SPECC1: variants seen among roughly 807,000 people sequenced by gnomAD.
SPECC1 encodes the protein cytospin-B.
Under a neutral mutation model 104.1 loss-of-function variants are expected in SPECC1, and 62 were observed. The ratio of observed to expected loss-of-function variants is 0.60; its 90% CI spans 0.49 to 0.74. The LOEUF (loss-of-function observed/expected upper bound fraction) is 0.74, where lower values mean the gene tolerates loss of function less well. SPECC1 is among the 30% of genes least tolerant of loss of function. The pLI, the probability that SPECC1 is intolerant of heterozygous loss-of-function variation, is 0.00. For synonymous variants in SPECC1, 513 were observed against 501.6 expected, an observed-to-expected ratio of 1.02 and a Z score of -0.30; for missense variants, 1,306 against 1,310.5, an observed-to-expected ratio of 1.00 and a Z score of 0.05.
chr17:20,315,409 G>C lies in SPECC1; in HGVS notation c.*1344G>C. The C allele has an allele frequency of 4.3e-6, 1 of 232,874 alleles. No individual in the cohort carries two copies. 14.4% of individuals were successfully genotyped at this position (232,874 alleles called of 1,614,324 possible). A position where few individuals can be genotyped will look rare whatever the true frequency, so the allele number is the denominator to read the frequency against. On this transcript the variant is annotated 3_prime_UTR_variant, in exon 15 of 15. Coordinates refer to ENST00000395527, the MANE Select transcript of SPECC1 (RefSeq NM_001243439.2). The stretch of plus-strand genomic sequence containing the variant: ...CTCAGTCCGGCCCGAGTGCCCATCT[G>C]GTGGCTCTGCCGTGTTCTTCTGGGC...
chr17:20,247,708 A>T (rs961372914), intron 9 of SPECC1, among the ~76,000 whole-genome samples: 1 of 152,232 alleles, frequency 6.6e-6, no homozygotes, highest in Non-Finnish European at 1.5e-5. Flanking sequence ...TGTTCTACTG[A>T]TAGAAGTTAG....
At chr17:20,168,506 T>C (rs4924810) in intron 3 of SPECC1, among the ~76,000 whole-genome samples, 44,306 of 152,018 alleles carry the variant, frequency 0.29, 8,280 homozygotes, top group Non-Finnish European at 0.41. Flanking sequence ...AACAGGAAAC[T>C]AAAAACATCC....
chr17:20,295,358 T>C (rs1238379089), intron 12 of SPECC1, among the ~76,000 whole-genome samples: 6 of 152,088 alleles, frequency 3.9e-5, no homozygotes, highest in Non-Finnish European at 5.9e-5. Flanking sequence ...ACTCATCCTT[T>C]TTATGGCTGT....
intron 5 of SPECC1, among the ~76,000 whole-genome samples, chr17:20,229,354 G>A (rs185565923): frequency 2.6e-5 from 4 of 152,036 alleles, no homozygotes; most frequent in East Asian, 1.9e-4. Flanking sequence ...GCGTGAGTTC[G>A]GTGTTATTGA....
At chr17:20,157,469 T>C (rs1322927552) in intron 3 of SPECC1, among the ~76,000 whole-genome samples, 1 of 152,192 alleles carries the variant, frequency 6.6e-6, no homozygotes, top group Non-Finnish European at 1.5e-5. Flanking sequence ...GAAATATGCA[T>C]AAAATAAAAA....
chr17:20,010,312 G>A (rs1346954641), intron 1 of SPECC1: 1 of 152,212 alleles, frequency 6.6e-6, no homozygotes, highest in Non-Finnish European at 1.5e-5. Context: ...ACGCCGAGCT[G>A]GTTGGCAGGC....
Position 20,205,213 on chromosome 17 carries a change from A to G in SPECC1, c.1164A>G (p.Ala388=), listed in dbSNP as rs1226675883. The G allele has an allele frequency of 1.2e-6, 2 of 1,614,216 alleles. No homozygotes were observed. The highest frequency in any genetic ancestry group is 2.2e-5 in the East Asian group (1 of 44,882). Residue 388 remains alanine, a synonymous_variant, in exon 4 of 15, where the codon GCA becomes GCG. Coordinates refer to ENST00000395527, the MANE Select transcript of SPECC1 (RefSeq NM_001243439.2). ...TGGAAGAAAACCACCATAGCACTGC[A>G]GAAGAACTACAGGCTACTCTACAAG... is the stretch of plus-strand genomic sequence containing the variant. ...QKMEENHHST[A]EELQATLQEL... is the part of the protein sequence containing the mutation.
At chr17:20,114,010 A>T (rs1350885470) in intron 3 of SPECC1, among the ~76,000 whole-genome samples, 1 of 152,240 alleles carries the variant, frequency 6.6e-6, no homozygotes, top group Non-Finnish European at 1.5e-5. Context: ...TTAAAAGGCA[A>T]TGTAATATAA....
intron 4 of SPECC1, among the ~76,000 whole-genome samples, chr17:20,207,530 A>G (rs1032489251): frequency 6.6e-6 from 1 of 152,130 alleles, no homozygotes; most frequent in Admixed American, 6.5e-5. Context: ...TGTTTTTGGT[A>G]GTTTGGCATT....
chr17:20,216,316 C>T (rs1425951013), intron 4 of SPECC1, among the ~76,000 whole-genome samples: 1 of 152,072 alleles, frequency 6.6e-6, no homozygotes, highest in Admixed American at 6.6e-5. Context: ...TGGAGATGCC[C>T]GAGGCCCATT....
At chr17:20,180,146 TAGTG>T (rs1473527432) in intron 3 of SPECC1, among the ~76,000 whole-genome samples, 1 of 152,106 alleles carries the variant, frequency 6.6e-6, no homozygotes, top group East Asian at 1.9e-4. Flanking sequence ...TCAAGGATGA[TAGTG>T]AGCACAGAGG....
At chr17:20,158,318 G>C (rs1414284332) in intron 3 of SPECC1, among the ~76,000 whole-genome samples, 1 of 152,196 alleles carries the variant, frequency 6.6e-6, no homozygotes, top group Admixed American at 6.5e-5. Context: ...TATTGTGTCA[G>C]TTTTGTCCAT....
At chr17:20,131,260 C>T (rs904567435) in intron 3 of SPECC1, among the ~76,000 whole-genome samples, 1 of 152,048 alleles carries the variant, frequency 6.6e-6, no homozygotes, top group African/African-American at 2.4e-5. Context: ...GGCATGATCT[C>T]GGCTCACTGC....
At chr17:20,019,110 C>T (rs1289346226) in intron 1 of SPECC1, among the ~76,000 whole-genome samples, 1 of 152,146 alleles carries the variant, frequency 6.6e-6, no homozygotes, top group Non-Finnish European at 1.5e-5. Flanking sequence ...AGCACAATGG[C>T]TCATGTCTAT....
intron 3 of SPECC1, among the ~76,000 whole-genome samples, chr17:20,117,717 A>AG (rs200612527): frequency 0.22 from 32,826 of 146,070 alleles, 4,061 homozygotes; most frequent in African/African-American, 0.3. Context: ...AAAAAAAAAA[A>AG]AAAAGAAAAG....
chr17:20,068,704 C>T (rs919689876), intron 1 of SPECC1, among the ~76,000 whole-genome samples: 5 of 152,164 alleles, frequency 3.3e-5, no homozygotes, highest in Non-Finnish European at 2.9e-5. Flanking sequence ...TGGCATCTCC[C>T]AGTGGCTTTG....
intron 1 of SPECC1, among the ~76,000 whole-genome samples, chr17:20,025,038 T>C (rs1481870431): frequency 6.6e-6 from 1 of 152,222 alleles, no homozygotes; most frequent in Non-Finnish European, 1.5e-5. Context: ...GACTATAAGT[T>C]TAGCCTAGTC....
At chr17:20,059,135 T>C (rs1447551495) in intron 1 of SPECC1, among the ~76,000 whole-genome samples, 1 of 152,040 alleles carries the variant, frequency 6.6e-6, no homozygotes, top group Non-Finnish European at 1.5e-5. Flanking sequence ...CCACCACGCC[T>C]GGCCTATTGT....
intron 3 of SPECC1, chr17:20,156,299 C>A (rs1010450686): frequency 1.5e-6 from 2 of 1,301,458 alleles, no homozygotes; most frequent in Non-Finnish European, 2.0e-6. Context: ...AGGCGCCCTT[C>A]CCCCACCGCC....
Sources: allele counts gnomAD v4.1 joint callset (sites outside exome capture counted in the v4.1 genomes callset), GRCh38; gene constraint gnomAD v4.1.1; transcripts MANE v1.5; gene names NCBI Gene and HGNC (gene_info 2026-07-23, HGNC 2026-07-21).